TBC1D19: variants seen among roughly 807,000 people sequenced by gnomAD.
TBC1D19 encodes TBC1 domain family member 19.
A neutral mutation model predicts 89.0 loss-of-function variants in TBC1D19; 60 were observed. The ratio of observed to expected loss-of-function variants is 0.67; its 90% CI spans 0.55 to 0.84. The LOEUF (loss-of-function observed/expected upper bound fraction) is 0.84, where lower values mean the gene tolerates loss of function less well. Among genes scored for constraint, TBC1D19 ranks in the 40% least tolerant of loss-of-function variants. The pLI is 0.00. For missense variants in TBC1D19, 500 were observed against 610.8 expected, an observed-to-expected ratio of 0.82 and a Z score of 1.91; for synonymous variants, 189 against 199.7, an observed-to-expected ratio of 0.95 and a Z score of 0.45.
chr4:26,663,346 A>T (rs572831756), intron 8 of TBC1D19, among the ~76,000 whole-genome samples: 1 of 152,224 alleles, frequency 6.6e-6, no homozygotes, highest in African/African-American at 2.4e-5. Context: ...ATTAATGATG[A>T]CTGAAGGACG....
the TBC1D19 span, among the ~76,000 whole-genome samples, chr4:26,795,982 G>GT: frequency 6.6e-6 from 1 of 151,988 alleles, no homozygotes; most frequent in African/African-American, 2.4e-5. Flanking sequence ...TTTCTCCATT[G>GT]TTTTTTACAC....
At chr4:26,813,090 C>T in the TBC1D19 span, among the ~76,000 whole-genome samples, 1 of 151,692 alleles carries the variant, frequency 6.6e-6, no homozygotes, top group Admixed American at 6.6e-5. Flanking sequence ...TGTGGTGGCT[C>T]ATGTCTGTAG....
At chr4:26,756,523 T>G (rs576367248), downstream of TBC1D19, among the ~76,000 whole-genome samples, 16 of 152,308 alleles carry the variant, frequency 1.1e-4, no homozygotes, top group African/African-American at 3.8e-4. Flanking sequence ...CTAGATAATG[T>G]AAGCTTTCTT....
At chr4:26,637,435 C>T (rs1026872916) in intron 5 of TBC1D19, 150 bp downstream of exon 5, 68 of 554,842 alleles carry the variant, frequency 1.2e-4, no homozygotes, top group Non-Finnish European at 1.8e-4. Context: ...TGCAGTGGCG[C>T]GATCTTGGCT....
rs10006436 is a variant in TBC1D19 at position 26,664,997 on chromosome 4, C to T, written c.592-1336C>T. 7.0e-3 allele frequency among the ~76,000 whole-genome samples: 1,065 copies of T among 152,166 alleles called. 9 individuals carry two copies. Among genetic ancestry groups the T allele is most frequent in the African/African-American group, 0.024 (976 of 41,504 alleles). ...AGTCCTCACTCTCAACAGGAAAACC[C>T]GAGTGCTGTTGGGGAGGTTGGCCGA... On this transcript the variant is annotated intron_variant, in intron 8 of 20. Transcript: ENST00000264866.
intron 4 of TBC1D19, among the ~76,000 whole-genome samples, chr4:26,630,977 C>T (rs1742770506): frequency 1.3e-5 from 2 of 151,944 alleles, no homozygotes; most frequent in African/African-American, 4.8e-5. Context: ...CCCTCATTGT[C>T]AGGAAATTCT....
chr4:26,666,112 A>G (rs1235546868), intron 8 of TBC1D19, among the ~76,000 whole-genome samples: 1 of 151,972 alleles, frequency 6.6e-6, no homozygotes, highest in Non-Finnish European at 1.5e-5. Context: ...AATAATAAAT[A>G]TTATATAGTA....
the TBC1D19 span, among the ~76,000 whole-genome samples, chr4:26,788,137 G>T: frequency 6.6e-6 from 1 of 152,050 alleles, no homozygotes; most frequent in Non-Finnish European, 1.5e-5. Flanking sequence ...TGATTTTCAC[G>T]GCATGGTTCC....
At chr4:26,589,527 C>T (rs539913100) in intron 1 of TBC1D19, among the ~76,000 whole-genome samples, 3 of 152,274 alleles carry the variant, frequency 2.0e-5, no homozygotes, top group African/African-American at 7.2e-5. Flanking sequence ...TTTTCTGACT[C>T]AGTCCATGTG....
the TBC1D19 span, among the ~76,000 whole-genome samples, chr4:26,785,816 T>C: frequency 6.6e-6 from 1 of 152,188 alleles, no homozygotes; most frequent in South Asian, 2.1e-4. Flanking sequence ...TTGTGCCACA[T>C]AGCACTGGGG....
At chr4:26,735,614 G>T in intron 16 of TBC1D19, 127 bp downstream of exon 16, 1 of 800,028 alleles carries the variant, frequency 1.2e-6, no homozygotes. Flanking sequence ...AAAATAAAGT[G>T]AAATGCATGC....
upstream of TBC1D19, chr4:26,584,007 T>G (rs946874587): frequency 4.2e-5 from 25 of 597,260 alleles, no homozygotes; most frequent in Non-Finnish European, 6.8e-5. Flanking sequence ...TGCTGTGGCC[T>G]TCAGGCGCTG....
At chr4:26,659,080 C>T (rs1429761923) in intron 7 of TBC1D19, among the ~76,000 whole-genome samples, 1 of 152,166 alleles carries the variant, frequency 6.6e-6, no homozygotes, top group Non-Finnish European at 1.5e-5. Flanking sequence ...TTATTTCTTT[C>T]TCTTGCCTGA....
chr4:26,798,749 A>G, the TBC1D19 span, among the ~76,000 whole-genome samples: 5 of 152,064 alleles, frequency 3.3e-5, no homozygotes, highest in South Asian at 4.2e-4. Context: ...GCTGAAGGCC[A>G]TTATCCTAAG....
At chr4:26,832,333 C>G in the TBC1D19 span, among the ~76,000 whole-genome samples, 1 of 152,100 alleles carries the variant, frequency 6.6e-6, no homozygotes, top group African/African-American at 2.4e-5. Flanking sequence ...AACCGGATAC[C>G]TTTTAGAATC....
chr4:26,659,541 T>A, intron 7 of TBC1D19, 56 bp from the exon 8 acceptor site: 1 of 1,144,470 alleles, frequency 8.7e-7, no homozygotes, highest in East Asian at 2.4e-5. Flanking sequence ...GCTAATTTTA[T>A]AAGTGTAAAC....
intron 4 of TBC1D19, among the ~76,000 whole-genome samples, chr4:26,627,556 C>T (rs1239300548): frequency 9.4e-4 from 141 of 150,672 alleles, no homozygotes; most frequent in South Asian, 2.1e-4. Flanking sequence ...CATCTGTTGT[C>T]TCCTGACTTT....
chr4:26,827,917 C>T, the TBC1D19 span, among the ~76,000 whole-genome samples: 1 of 152,018 alleles, frequency 6.6e-6, no homozygotes, highest in African/African-American at 2.4e-5. Flanking sequence ...TTAACGTAGG[C>T]CACCTGACAA....
Position 26,609,066 on chromosome 4 carries a change from G to A in TBC1D19, c.100-4103G>A, listed in dbSNP as rs866274994. ...GAGACTGTTGTGGGGTGGGGGGAGG[G>A]GGGAGGGGGGAGGGGTAGCATTAGG... On this transcript the variant is annotated intron_variant, in intron 1 of 20. Coordinates refer to ENST00000264866, the MANE Select transcript of TBC1D19 (RefSeq NM_018317.4). Among the ~76,000 whole-genome samples the A allele has an allele frequency of 5.6e-3, 574 of 102,938 alleles. 10 individuals are homozygous for A. The highest frequency in any genetic ancestry group is 0.019 in the African/African-American group (523 of 26,852). The allele number at this position is 102,938 out of a possible 152,430, so 67.5% of individuals were successfully genotyped here. A position where few individuals can be genotyped will look rare whatever the true frequency, so the allele number is the denominator to read the frequency against.
Sources: allele counts gnomAD v4.1 joint callset (sites outside exome capture counted in the v4.1 genomes callset), GRCh38; gene constraint gnomAD v4.1.1; transcripts MANE v1.5; gene names NCBI Gene and HGNC (gene_info 2026-07-23, HGNC 2026-07-21).